Variants in THSD7B observed in about 807,000 individuals in gnomAD.
THSD7B encodes thrombospondin type-1 domain-containing protein 7B.
Under a neutral mutation model 213.6 loss-of-function variants are expected in THSD7B, and 138 were observed. The observed-to-expected ratio is 0.65, with a 90% CI of 0.56 to 0.74. THSD7B has a LOEUF of 0.74. THSD7B is among the 30% of genes least tolerant of loss of function. The probability of loss-of-function intolerance (pLI) is 0.00; values close to 1 mark genes in which losing one functional copy is unlikely to be tolerated. For synonymous variants in THSD7B, 742 were observed against 687.0 expected (o/e 1.08, Z -1.25); for missense variants, 1,931 against 1,991.5 (o/e 0.97, Z 0.58).
At chr2:137,657,207 G>A (rs369691772) in intron 24 of THSD7B, 47 bp downstream of exon 24, 39 of 1,550,954 alleles carry the variant, frequency 2.5e-5, no homozygotes, top group Non-Finnish European at 3.4e-5. Flanking sequence ...ACACCCCTGA[G>A]TGTTGTTATT....
chr2:137,144,033 G>A lies in THSD7B; in HGVS notation c.1370-16180G>A, dbSNP rs973968140. Among the ~76,000 whole-genome samples, 8 of 152,036 alleles carry A rather than the reference G, an allele frequency of 5.3e-5. 1 individual carries two copies. The South Asian group carries it at 1.7e-3, about 32-fold the overall frequency. On this transcript the variant is annotated intron_variant, in intron 5 of 27. Transcript: ENST00000409968. ...ACACTTAAACCAACTTGACTCTACA[G>A]GTACTTATGTTTTAAGATTGCACAT...
intron 1 of THSD7B, among the ~76,000 whole-genome samples, chr2:136,824,731 T>C (rs1450864941): frequency 6.6e-6 from 1 of 152,188 alleles, no homozygotes; most frequent in Non-Finnish European, 1.5e-5. Flanking sequence ...GGTGATGAGA[T>C]CAGAATCAAC....
intron 2 of THSD7B, among the ~76,000 whole-genome samples, chr2:137,031,740 G>A (rs1686673168): frequency 2.0e-5 from 3 of 151,468 alleles, no homozygotes; most frequent in Admixed American, 6.6e-5. Context: ...ATAACAAAAT[G>A]TATTTAACAA....
At chr2:137,601,098 T>C (rs142747403) in intron 17 of THSD7B, among the ~76,000 whole-genome samples, 2 of 152,034 alleles carry the variant, frequency 1.3e-5, no homozygotes, top group African/African-American at 4.8e-5. Flanking sequence ...TGTAAAAGAG[T>C]CAAAAAGTTA....
chr2:137,110,790 T>G (rs143095140), intron 4 of THSD7B, among the ~76,000 whole-genome samples: 36 of 152,354 alleles, frequency 2.4e-4, no homozygotes, highest in African/African-American at 8.7e-4. Flanking sequence ...TGGTGGGCCA[T>G]GGACTGCATA....
At chr2:137,123,048 T>C (rs1688571048) in intron 5 of THSD7B, among the ~76,000 whole-genome samples, 1 of 152,196 alleles carries the variant, frequency 6.6e-6, no homozygotes, top group African/African-American at 2.4e-5. Flanking sequence ...AAATTGCTTA[T>C]ACTGAATTCA....
intron 15 of THSD7B, among the ~76,000 whole-genome samples, chr2:137,558,195 T>C (rs1315593912): frequency 1.3e-5 from 2 of 151,946 alleles, no homozygotes; most frequent in South Asian, 2.1e-4. Flanking sequence ...AAGAGGGAAT[T>C]CTCCCTAACT....
chr2:137,661,493 G>A (rs907996233), intron 25 of THSD7B, among the ~76,000 whole-genome samples: 2 of 151,754 alleles, frequency 1.3e-5, no homozygotes, highest in East Asian at 2.0e-4. Context: ...AAGCAGAGAC[G>A]TAGTTTGACA....
intron 4 of THSD7B, among the ~76,000 whole-genome samples, chr2:137,095,721 T>TA (rs1179613105): frequency 4.6e-5 from 7 of 152,084 alleles, no homozygotes; most frequent in Non-Finnish European, 8.8e-5. Flanking sequence ...TTTTTTGAGA[T>TA]AAAAACTCTT....
intron 10 of THSD7B, among the ~76,000 whole-genome samples, chr2:137,271,740 T>A (rs1682744046): frequency 6.6e-6 from 1 of 151,888 alleles, no homozygotes; most frequent in South Asian, 2.1e-4. Flanking sequence ...GGTCAGAGAT[T>A]TGTGTGTGCA....
At chr2:136,766,707 G>A (rs535258659) in intron 1 of THSD7B, among the ~76,000 whole-genome samples, 2 of 152,106 alleles carry the variant, frequency 1.3e-5, no homozygotes, top group African/African-American at 4.8e-5. Context: ...GAGGTATTGC[G>A]ATTCAATACT....
At chr2:137,419,439 A>T (rs2105024077) in intron 14 of THSD7B, among the ~76,000 whole-genome samples, 1 of 130,604 alleles carries the variant, frequency 7.7e-6, no homozygotes, top group Non-Finnish European at 1.7e-5. Flanking sequence ...GACAGAGAAT[A>T]ATGTTACTGA....
intron 12 of THSD7B, among the ~76,000 whole-genome samples, chr2:137,388,351 A>C (rs1469117319): frequency 2.0e-5 from 3 of 152,136 alleles, no homozygotes; most frequent in South Asian, 2.1e-4. Flanking sequence ...CAGTAAAAAA[A>C]AAAAGGAGAG....
chr2:137,649,952 G>C (rs1683106605), intron 21 of THSD7B, among the ~76,000 whole-genome samples: 1 of 151,738 alleles, frequency 6.6e-6, no homozygotes, highest in Admixed American at 6.6e-5. Context: ...AAAAAAAAAA[G>C]TTAGGCAGGT....
chr2:137,516,564 C>T (rs1309305350), intron 15 of THSD7B, among the ~76,000 whole-genome samples: 7 of 152,146 alleles, frequency 4.6e-5, no homozygotes, highest in Non-Finnish European at 5.9e-5. Context: ...GGACCCAAAA[C>T]GTCGTTGTGG....
chr2:137,387,098 T>C (rs548066539), intron 12 of THSD7B, among the ~76,000 whole-genome samples: 2 of 152,220 alleles, frequency 1.3e-5, no homozygotes, highest in Non-Finnish European at 2.9e-5. Context: ...AGGCTCACCC[T>C]GTGTAGCAAT....
At chr2:137,303,022 G>A (rs916763539) in intron 12 of THSD7B, among the ~76,000 whole-genome samples, 3 of 151,974 alleles carry the variant, frequency 2.0e-5, no homozygotes, top group Non-Finnish European at 2.9e-5. Flanking sequence ...TTTTTGAAAC[G>A]AGGGTCTTCT....
chr2:137,454,488 G>A (rs193245799), intron 15 of THSD7B, among the ~76,000 whole-genome samples: 273 of 151,654 alleles, frequency 1.8e-3, no homozygotes, highest in African/African-American at 6.2e-3. Flanking sequence ...GTGTGTGTGT[G>A]TGTAAGTATG....
At chr2:137,569,205 T>C (rs888969703) in intron 16 of THSD7B, among the ~76,000 whole-genome samples, 1 of 152,158 alleles carries the variant, frequency 6.6e-6, no homozygotes, top group African/African-American at 2.4e-5. Flanking sequence ...AAGAGATTCT[T>C]CTCTAGGAGT....
Sources: gnomAD v4.1 joint callset for allele counts (sites outside exome capture counted in the v4.1 genomes callset) on GRCh38, gnomAD v4.1.1 for gene constraint, MANE v1.5 for transcripts, NCBI Gene and HGNC (gene_info 2026-07-23, HGNC 2026-07-21) for gene names.